The following SULF1 variants were observed in gnomAD, a reference collection of about 807,000 sequenced individuals.
SULF1 encodes sulfatase 1, also known as extracellular sulfatase Sulf-1.
SULF1 carries 46 observed loss-of-function variants against 110.5 expected under a neutral mutation model. That is an observed-to-expected ratio of 0.42 (90% CI 0.33 to 0.53). The LOEUF (loss-of-function observed/expected upper bound fraction) is 0.53, where lower values mean the gene tolerates loss of function less well. SULF1 is among the 20% of genes least tolerant of loss of function. The probability of loss-of-function intolerance (pLI) is 0.12; values close to 1 mark genes in which losing one functional copy is unlikely to be tolerated. For synonymous variants in SULF1, 371 were observed against 387.1 expected (o/e 0.96, Z 0.49); for missense variants, 941 against 1,094.2 (o/e 0.86, Z 1.98).
chr8:69,509,799 A>G (rs994970309), intron 3 of SULF1, among the ~76,000 whole-genome samples: 7 of 152,340 alleles, frequency 4.6e-5, no homozygotes, highest in Admixed American at 1.3e-4. Flanking sequence ...ATTTTTTCAA[A>G]TGTCATATAC....
chr8:69,551,637 C>G (rs192792296), intron 3 of SULF1, among the ~76,000 whole-genome samples: 221 of 152,316 alleles, frequency 1.5e-3, no homozygotes, highest in African/African-American at 5.0e-3. Flanking sequence ...TGCTTAGCTG[C>G]TTCAGCCCAT....
At chr8:69,492,678 C>T (rs1029281016), upstream of SULF1, 3 of 152,192 alleles carry the variant, frequency 2.0e-5, no homozygotes, top group African/African-American at 7.2e-5. Context: ...TTTTTTTTCC[C>T]CCAGTCCTTT....
At chr8:69,569,296 G>A (rs1028007760) in intron 5 of SULF1, among the ~76,000 whole-genome samples, 2 of 152,274 alleles carry the variant, frequency 1.3e-5, no homozygotes, top group African/African-American at 2.4e-5. Flanking sequence ...GCCCACAGAT[G>A]TATGTTGTTT....
intron 2 of SULF1, among the ~76,000 whole-genome samples, chr8:69,498,350 C>T (rs1303491143): frequency 6.6e-6 from 1 of 151,838 alleles, no homozygotes; most frequent in Non-Finnish European, 1.5e-5. Flanking sequence ...GTCTTGGAGT[C>T]TATATTTTTA....
At chr8:69,614,399 C>A (rs1808913370) in intron 13 of SULF1, among the ~76,000 whole-genome samples, 1 of 152,206 alleles carries the variant, frequency 6.6e-6, no homozygotes, top group Non-Finnish European at 1.5e-5. Flanking sequence ...TGACAGCACT[C>A]TGGGTTGTAG....
At chr8:69,625,042 C>G (rs1239685492) in intron 15 of SULF1, among the ~76,000 whole-genome samples, 1 of 152,176 alleles carries the variant, frequency 6.6e-6, no homozygotes, top group Non-Finnish European at 1.5e-5. Context: ...GAATGCATTT[C>G]TCTTACATTA....
intron 1 of SULF1, among the ~76,000 whole-genome samples, chr8:69,468,135 T>C (rs1051263334): frequency 2.0e-5 from 3 of 152,228 alleles, no homozygotes; most frequent in African/African-American, 2.4e-5. Flanking sequence ...AACATTCATA[T>C]ACCTGTGGTA....
At chr8:69,567,199 G>T (rs1815946497) in intron 5 of SULF1, among the ~76,000 whole-genome samples, 1 of 152,058 alleles carries the variant, frequency 6.6e-6, no homozygotes, top group African/African-American at 2.4e-5. Context: ...CTGTGGGTTG[G>T]AGGTCCAGAA....
intron 8 of SULF1, among the ~76,000 whole-genome samples, chr8:69,590,294 T>G (rs1256921995): frequency 6.6e-6 from 1 of 152,128 alleles, no homozygotes; most frequent in Non-Finnish European, 1.5e-5. Context: ...TCTGAGGAGC[T>G]GGGACTACAG....
chr8:69,579,562 C>CAA (rs1288847198), intron 6 of SULF1, among the ~76,000 whole-genome samples: 1,334 of 111,580 alleles, frequency 0.012, 20 homozygotes, highest in African/African-American at 0.045. Flanking sequence ...CACACACACA[C>CAA]ACAAAAAAAA....
chr8:69,474,307 C>G (rs528392889), intron 1 of SULF1, among the ~76,000 whole-genome samples: 1 of 152,164 alleles, frequency 6.6e-6, no homozygotes, highest in Non-Finnish European at 1.5e-5. Flanking sequence ...CTTCAAACTC[C>G]TATCACAAAT....
chr8:69,624,198 G>A lies in SULF1; in HGVS notation c.1850+1G>A, dbSNP rs1220891484. ...CTACCACTGTCCGAGTGACACACAA[G>A]TAAGAAAGCTTTATTTGTTCACTAG... On this transcript the variant is annotated splice_donor_variant, in intron 15 of 22. Transcript: ENST00000402687. LOFTEE classifies it high-confidence loss of function. The A allele has an allele frequency of 2.6e-6, 4 of 1,565,886 alleles. No individual in the cohort carries two copies. The highest frequency in any genetic ancestry group is 2.6e-6 in the Non-Finnish European group (3 of 1,155,498).
In SULF1 at chr8:69,660,483, A is replaced by G. The variant is rs1029587202; in HGVS notation, c.*1948A>G. The G allele has an allele frequency of 6.5e-6, 1 of 152,678 alleles. No individual in the cohort carries two copies. The highest frequency in any genetic ancestry group is 2.4e-5 in the African/African-American group (1 of 41,474). 9.5% of individuals were successfully genotyped at this position (152,678 alleles called of 1,614,324 possible). A position where few individuals can be genotyped will look rare whatever the true frequency, so the allele number is the denominator to read the frequency against. On this transcript the variant is annotated 3_prime_UTR_variant, in exon 23 of 23. Transcript: ENST00000402687. ...AGCTAAAGGATTACCTCACTGAGTC[A>G]TCAGTACCCTCCTATTCAGCTCCCC...
intron 3 of SULF1, among the ~76,000 whole-genome samples, chr8:69,543,551 T>A (rs4737988): frequency 0.33 from 50,089 of 152,078 alleles, 8,975 homozygotes; most frequent in Non-Finnish European, 0.4. Flanking sequence ...AAGGACATGA[T>A]CTTGTTCTTT....
chr8:69,645,730 T>C (rs951724116), intron 22 of SULF1, among the ~76,000 whole-genome samples: 25 of 151,976 alleles, frequency 1.6e-4, no homozygotes, highest in Admixed American at 2.6e-4. Flanking sequence ...TGGGGACTTA[T>C]CATCAGTTCC....
At chr8:69,599,536 C>T (rs1306499406) in intron 8 of SULF1, among the ~76,000 whole-genome samples, 1 of 152,148 alleles carries the variant, frequency 6.6e-6, no homozygotes, top group African/African-American at 2.4e-5. Flanking sequence ...AATAATAAAC[C>T]TATTTTACAG....
intron 6 of SULF1, among the ~76,000 whole-genome samples, 171 bp downstream of exon 6, chr8:69,576,380 A>G (rs965130567): frequency 2.6e-5 from 4 of 152,194 alleles, no homozygotes; most frequent in African/African-American, 7.2e-5. Context: ...AATGATCAAA[A>G]TTATTTATTA....
chr8:69,475,366 AAG>A (rs1262116020), intron 1 of SULF1, among the ~76,000 whole-genome samples: 1 of 152,028 alleles, frequency 6.6e-6, no homozygotes, highest in African/African-American at 2.4e-5. Flanking sequence ...CAGAGAGAGA[AAG>A]AGAGAGGGGG....
chr8:69,500,063 A>G (rs1810687946), intron 2 of SULF1, among the ~76,000 whole-genome samples: 1 of 152,194 alleles, frequency 6.6e-6, no homozygotes, highest in African/African-American at 2.4e-5. Context: ...ACACATTATC[A>G]TTTTAATGAT....
Sources: gnomAD v4.1 joint callset for allele counts (sites outside exome capture counted in the v4.1 genomes callset) on GRCh38, gnomAD v4.1.1 for gene constraint, MANE v1.5 for transcripts, NCBI Gene and HGNC (gene_info 2026-07-23, HGNC 2026-07-21) for gene names.